The following HERC1 variants were observed in gnomAD, a reference collection of about 807,000 sequenced individuals.
The protein encoded by HERC1 is HECT and RLD domain containing E3 ubiquitin protein ligase family member 1, also known as probable E3 ubiquitin-protein ligase HERC1.
Under a neutral mutation model 554.3 loss-of-function variants are expected in HERC1, and 160 were observed. The observed-to-expected ratio is 0.29, with a 90% confidence interval of 0.25 to 0.33. The LOEUF is 0.33. Ranked by LOEUF, HERC1 falls within the 10% of genes least tolerant of loss-of-function variation. The pLI, the probability that HERC1 is intolerant of heterozygous loss-of-function variation, is 1.00. For missense variants in HERC1, 4,919 were observed against 5,918.5 expected (o/e 0.83, Z 5.54); for synonymous variants, 2,175 against 2,131.7 (o/e 1.02, Z -0.56).
At chr15:63,816,034 C>A (rs532930210) in intron 1 of HERC1, among the ~76,000 whole-genome samples, 1 of 152,054 alleles carries the variant, frequency 6.6e-6, no homozygotes, top group African/African-American at 2.4e-5. Context: ...TCCCCCCACA[C>A]GTAGGGATTA....
chr15:63,681,398 T>C (rs1196877048), intron 34 of HERC1, among the ~76,000 whole-genome samples: 1 of 152,160 alleles, frequency 6.6e-6, no homozygotes, highest in African/African-American at 2.4e-5. Context: ...GGTCTTGTTA[T>C]GTTACACAGT....
intron 2 of HERC1, among the ~76,000 whole-genome samples, chr15:63,773,580 C>A (rs147130639): frequency 0.012 from 1,787 of 151,140 alleles, 19 homozygotes; most frequent in Middle Eastern, 0.021. Flanking sequence ...CAGATTCTCG[C>A]TCTGTTGCCC....
intron 26 of HERC1, among the ~76,000 whole-genome samples, chr15:63,697,532 G>A (rs1004208961): frequency 5.6e-5 from 8 of 143,504 alleles, no homozygotes; most frequent in Non-Finnish European, 1.0e-4. Context: ...TCGGCTCACT[G>A]CAACCTCTGC....
At chr15:63,764,015 T>A in intron 3 of HERC1, 81 bp downstream of exon 3, 18 of 615,536 alleles carry the variant, frequency 2.9e-5, no homozygotes, top group East Asian at 9.7e-5. Context: ...CCAGAGAAAA[T>A]GGATTATTTT....
At chr15:63,741,000 G>C (rs948120219) in intron 12 of HERC1, among the ~76,000 whole-genome samples, 8 of 151,904 alleles carry the variant, frequency 5.3e-5, no homozygotes, top group African/African-American at 1.9e-4. Context: ...CCTAATCCAA[G>C]GTGATAAAGA....
intron 47 of HERC1, among the ~76,000 whole-genome samples, chr15:63,659,222 G>A (rs527410006): frequency 1.3e-5 from 2 of 150,840 alleles, no homozygotes; most frequent in Admixed American, 6.6e-5. Context: ...TTATTGCTTC[G>A]GTATCATGAA....
At chr15:63,698,643 G>C in intron 26 of HERC1, 85 bp downstream of exon 26, 1 of 1,350,048 alleles carries the variant, frequency 7.4e-7, no homozygotes, top group Non-Finnish European at 1.0e-6. Context: ...AGAAGAAAAG[G>C]AAAGGTTTTC....
At position 63,677,853 on chromosome 15, in the gene HERC1, A is replaced by G; in HGVS notation, c.7062T>C (p.Ile2354=). Residue 2354 remains isoleucine, a synonymous_variant, in exon 37 of 78, where the codon ATT becomes ATC. Coordinates refer to ENST00000443617, the MANE Select transcript of HERC1 (RefSeq NM_003922.4). The surrounding 1 kb of genome is among the most constrained non-coding windows in gnomAD (Gnocchi z 4.4). Reference sequence around the variant, plus strand: ...AACTCAACAGATCATACCTGATAGTAATTTCTGCTTCATCCCATTGGACCT... The same window carrying G: ...AACTCAACAGATCATACCTGATAGTGATTTCTGCTTCATCCCATTGGACCT... ...SAKVQWDEAE[I]TISFPTFWSP... 6.2e-7 allele frequency: 1 copy of G among 1,613,416 alleles called. No individual in the cohort carries two copies. Among genetic ancestry groups the G allele is most frequent in the Non-Finnish European group, 8.5e-7 (1 of 1,179,542 alleles).
intron 71 of HERC1, among the ~76,000 whole-genome samples, chr15:63,625,148 A>G (rs1009752728): frequency 6.6e-6 from 1 of 152,216 alleles, no homozygotes; most frequent in African/African-American, 2.4e-5. Flanking sequence ...GCACGCACAC[A>G]CAATAGCTAG....
Position 63,775,149 on chromosome 15 carries a change from C to T in HERC1, c.475G>A (p.Glu159Lys). 1 of 1,614,010 alleles carries T rather than the reference C, an allele frequency of 6.2e-7. No homozygotes were observed. The highest frequency in any genetic ancestry group is 8.5e-7 in the Non-Finnish European group (1 of 1,179,882). Residue 159 changes from glutamate to lysine, a missense_variant, in exon 2 of 78, where the codon GAA (glutamate) becomes AAA (lysine). By Grantham distance (56) the Glu-to-Lys change is moderately conservative. Transcript: ENST00000443617. The surrounding 1 kb of genome is among the most constrained non-coding windows in gnomAD (Gnocchi z 4.0). ...CTTAGACCAGTTCGAACACCCATTT[C>T]TATAAGTGCATCAGTGCTTGACCGG... ...RPRSSTDALI[E>K]MGVRTGLSLL...
At chr15:63,696,900 A>G (rs1171944032) in intron 26 of HERC1, among the ~76,000 whole-genome samples, 5 of 151,000 alleles carry the variant, frequency 3.3e-5, no homozygotes, top group Admixed American at 2.6e-4. Flanking sequence ...GACACTCCCC[A>G]TCACTGTAGT....
intron 24 of HERC1, among the ~76,000 whole-genome samples, chr15:63,710,448 T>C (rs368897544): frequency 2.6e-5 from 4 of 152,184 alleles, no homozygotes; most frequent in South Asian, 2.1e-4. Context: ...GATTAGACAG[T>C]TATTTATAAA....
intron 1 of HERC1, among the ~76,000 whole-genome samples, chr15:63,796,576 G>A (rs1052431083): frequency 3.9e-5 from 6 of 152,234 alleles, no homozygotes; most frequent in African/African-American, 1.4e-4. Context: ...GGACATGCCT[G>A]TGATACAGAC....
At chr15:63,735,144 A>T (rs1026347997) in intron 12 of HERC1, among the ~76,000 whole-genome samples, 10 of 152,168 alleles carry the variant, frequency 6.6e-5, no homozygotes, top group Non-Finnish European at 1.5e-5. Flanking sequence ...TGAATAAGAC[A>T]GACAAAATCT....
At chr15:63,762,650 T>G (rs1036692187) in intron 3 of HERC1, among the ~76,000 whole-genome samples, 2 of 152,114 alleles carry the variant, frequency 1.3e-5, no homozygotes, top group Admixed American at 1.3e-4. Context: ...ATGAAGTTAA[T>G]TGGCCAAGTT....
intron 1 of HERC1, among the ~76,000 whole-genome samples, chr15:63,794,837 G>A (rs2076762281): frequency 6.6e-6 from 1 of 151,934 alleles, no homozygotes; most frequent in Non-Finnish European, 1.5e-5. Flanking sequence ...AGGCCGAGGT[G>A]GGCGGATCAC....
chr15:63,608,983 C>A lies in HERC1; in HGVS notation c.*98G>T. 9.5e-7 allele frequency: 1 copy of A among 1,057,420 alleles called. No homozygotes were observed. The highest frequency in any genetic ancestry group is 2.8e-5 in the East Asian group (1 of 35,674). The allele number at this position is 1,057,420 out of a possible 1,614,324, so 65.5% of individuals were successfully genotyped here. On this transcript the variant is annotated 3_prime_UTR_variant, in exon 78 of 78. Coordinates refer to ENST00000443617, the MANE Select transcript of HERC1 (RefSeq NM_003922.4). Reference sequence around the variant, plus strand: ...ATTGTTTATAATGTTGGTTTATGTTCTTATAACATCTATGTAGTTACCATA... The same window carrying A: ...ATTGTTTATAATGTTGGTTTATGTTATTATAACATCTATGTAGTTACCATA...
chr15:63,792,546 A>AAC (rs1265060559), intron 1 of HERC1, among the ~76,000 whole-genome samples: 1 of 152,240 alleles, frequency 6.6e-6, no homozygotes, highest in Non-Finnish European at 1.5e-5. Flanking sequence ...AAATTACTTT[A>AAC]AACTCCTACA....
intron 74 of HERC1, among the ~76,000 whole-genome samples, chr15:63,619,830 C>T (rs906062980): frequency 6.8e-4 from 103 of 151,980 alleles, no homozygotes; most frequent in Middle Eastern, 3.4e-3. Context: ...TCTGTGGGAT[C>T]GGTGGTGATA....
Sources: gnomAD v4.1 joint callset for allele counts (sites outside exome capture counted in the v4.1 genomes callset) on GRCh38, gnomAD v4.1.1 for gene constraint, Gnocchi (gnomAD v3.1) non-coding constraint, MANE v1.5 for transcripts, NCBI Gene and HGNC (gene_info 2026-07-23, HGNC 2026-07-21) for gene names.